The following AAR2 variants were observed in gnomAD, a reference collection of about 807,000 sequenced individuals.
AAR2 encodes the protein AAR2 splicing factor, also known as protein AAR2 homolog.
Under a neutral mutation model 26.9 loss-of-function variants are expected in AAR2, and 31 were observed. That is an observed-to-expected ratio of 1.15 (90% CI 0.86 to 1.55). The LOEUF (loss-of-function observed/expected upper bound fraction) is 1.55, where lower values mean the gene tolerates loss of function less well. Ranked by LOEUF, AAR2 falls within the 40% of genes most tolerant of loss-of-function variation. The probability of loss-of-function intolerance (pLI) is 0.00; values close to 1 mark genes in which losing one functional copy is unlikely to be tolerated. For missense variants in AAR2, 430 were observed against 491.3 expected, an observed-to-expected ratio of 0.88 and a Z score of 1.18; for synonymous variants, 188 against 196.1, an observed-to-expected ratio of 0.96 and a Z score of 0.34.
chr20:36,242,513 C>T (rs1356037466), intron 2 of AAR2, among the ~76,000 whole-genome samples: 2 of 151,908 alleles, frequency 1.3e-5, no homozygotes, highest in African/African-American at 4.8e-5. Context: ...GCCTCAGCCT[C>T]CTGAGTAGCT....
chr20:36,243,044 G>A (rs1244924471), intron 2 of AAR2, among the ~76,000 whole-genome samples: 49 of 151,730 alleles, frequency 3.2e-4, no homozygotes, highest in Admixed American at 3.2e-3. Context: ...GTTGAGATAG[G>A]GTCTCCCTGT....
intron 3 of AAR2, among the ~76,000 whole-genome samples, chr20:36,255,181 G>A (rs1227271653): frequency 1.3e-5 from 2 of 152,218 alleles, no homozygotes; most frequent in East Asian, 1.9e-4. Context: ...CAATTCAGTC[G>A]TGTTGGCTTG....
rs144191185 is a variant in AAR2, at chr20:36,241,164, A to T, written c.757+539A>T. ...ATAAAAGAAAAACAAAATTTACTTC[A>T]AATCTCACTACTTAGAAATAACCAT... On this transcript the variant is annotated intron_variant, in intron 2 of 3. Coordinates refer to ENST00000320849, the MANE Select transcript of AAR2 (RefSeq NM_001271874.2). Among the ~76,000 whole-genome samples, 5 of 152,320 alleles carry T rather than the reference A, an allele frequency of 3.3e-5. No homozygotes were observed. In the East Asian group the frequency reaches 9.6e-4, roughly 29 times the overall value.
intron 2 of AAR2, among the ~76,000 whole-genome samples, chr20:36,244,339 C>A (rs1368296415): frequency 4.7e-4 from 72 of 152,208 alleles, no homozygotes; most frequent in Admixed American, 4.7e-3. Flanking sequence ...AACAGACTCT[C>A]AGTGATTCTG....
chr20:36,239,238 G>A (rs749803444), intron 1 of AAR2, among the ~76,000 whole-genome samples: 34 of 152,284 alleles, frequency 2.2e-4, no homozygotes, highest in Admixed American at 5.2e-4. Flanking sequence ...GAGATTTGTG[G>A]TAGGAAAGCT....
chr20:36,251,033 C>CA (rs1279057967), intron 3 of AAR2, among the ~76,000 whole-genome samples: 2 of 151,870 alleles, frequency 1.3e-5, no homozygotes, highest in Non-Finnish European at 2.9e-5. Flanking sequence ...CCTGTCTCTA[C>CA]AAAAAATACA....
intron 2 of AAR2, among the ~76,000 whole-genome samples, chr20:36,242,882 A>G (rs1285194834): frequency 2.1e-5 from 3 of 143,596 alleles, no homozygotes; most frequent in African/African-American, 7.7e-5. Flanking sequence ...TTTTGAGACA[A>G]GGTCTCACTC....
chr20:36,249,580 A>G (rs1185935211), intron 3 of AAR2, among the ~76,000 whole-genome samples: 1 of 152,208 alleles, frequency 6.6e-6, no homozygotes, highest in South Asian at 2.1e-4. Context: ...GATGAGGTCT[A>G]TGGTATTTTT....
intron 1 of AAR2, among the ~76,000 whole-genome samples, chr20:36,238,403 G>A (rs1201414585): frequency 1.3e-5 from 2 of 152,164 alleles, no homozygotes; most frequent in African/African-American, 4.8e-5. Context: ...ATGATAAAAT[G>A]TGCTCTTATT....
intron 1 of AAR2, among the ~76,000 whole-genome samples, chr20:36,237,359 A>G (rs748144192): frequency 4.9e-4 from 75 of 152,214 alleles, no homozygotes; most frequent in Non-Finnish European, 1.0e-3. Flanking sequence ...TTGAGGAGCA[A>G]GCACTCTGAG....
At chr20:36,252,840 G>A (rs190259454) in intron 3 of AAR2, among the ~76,000 whole-genome samples, 28 of 152,256 alleles carry the variant, frequency 1.8e-4, no homozygotes, top group Admixed American at 4.6e-4. Flanking sequence ...CTGTTTGAGA[G>A]AAGGCTTCTG....
chr20:36,240,733 G>A, intron 2 of AAR2, 108 bp downstream of exon 2: 1 of 1,401,952 alleles, frequency 7.1e-7, no homozygotes, highest in Non-Finnish European at 9.5e-7. Context: ...ACTAAACCTG[G>A]CTAGGAGGCT....
intron 3 of AAR2, among the ~76,000 whole-genome samples, chr20:36,251,864 G>T (rs143013715): frequency 6.6e-6 from 1 of 152,246 alleles, no homozygotes; most frequent in African/African-American, 2.4e-5. Context: ...GGTGATGAGC[G>T]TGAGCCCAGT....
chr20:36,239,103 C>T (rs999927425), intron 1 of AAR2, among the ~76,000 whole-genome samples: 1 of 152,146 alleles, frequency 6.6e-6, no homozygotes, highest in African/African-American at 2.4e-5. Flanking sequence ...CTTTCTCTTC[C>T]TAGGCTAGCT....
rs2064817306 is a variant in AAR2, at chr20:36,255,911, T to G, written c.*166T>G. ...TTTCACTGATAAATATATTTCTTCA[T>G]TGCCAAAGAGGCTGTACCCATCCTG... On this transcript the variant is annotated 3_prime_UTR_variant, in exon 4 of 4. Coordinates refer to ENST00000320849, the MANE Select transcript of AAR2 (RefSeq NM_001271874.2). 2 of 967,028 alleles carry G rather than the reference T, an allele frequency of 2.1e-6. No homozygotes were observed. The highest frequency in any genetic ancestry group is 3.0e-6 in the Non-Finnish European group (2 of 674,384). The allele number at this position is 967,028 out of a possible 1,614,324, so 59.9% of individuals were successfully genotyped here.
chr20:36,248,877 T>G (rs374194591), intron 3 of AAR2, among the ~76,000 whole-genome samples: 3 of 151,866 alleles, frequency 2.0e-5, no homozygotes, highest in African/African-American at 7.2e-5. Flanking sequence ...AAGGATATTG[T>G]AAAACTTTTT....
At chr20:36,241,104 C>T (rs1213080474) in intron 2 of AAR2, among the ~76,000 whole-genome samples, 1 of 151,916 alleles carries the variant, frequency 6.6e-6, no homozygotes, top group East Asian at 1.9e-4. Context: ...TTATTGTTAC[C>T]TTCCCTTTTA....
intron 3 of AAR2, among the ~76,000 whole-genome samples, chr20:36,250,727 C>T (rs960669128): frequency 2.6e-5 from 4 of 152,160 alleles, no homozygotes; most frequent in African/African-American, 7.2e-5. Context: ...CAAATTTATA[C>T]GCACCTTCAA....
chr20:36,253,504 C>G (rs1017219295), intron 3 of AAR2, among the ~76,000 whole-genome samples: 1 of 152,098 alleles, frequency 6.6e-6, no homozygotes, highest in Non-Finnish European at 1.5e-5. Flanking sequence ...TTGGGAGGAT[C>G]CAGTTGGATG....
Sources: gnomAD v4.1 joint callset for allele counts (sites outside exome capture counted in the v4.1 genomes callset) on GRCh38, gnomAD v4.1.1 for gene constraint, MANE v1.5 for transcripts, NCBI Gene and HGNC (gene_info 2026-07-23, HGNC 2026-07-21) for gene names.